NGEF: variants seen among roughly 807,000 people sequenced by gnomAD.
NGEF encodes the protein ephexin-1.
Under a neutral mutation model 80.9 loss-of-function variants are expected in NGEF, and 31 were observed. The ratio of observed to expected loss-of-function variants is 0.38; its 90% CI spans 0.29 to 0.52. NGEF has a LOEUF of 0.52. NGEF is among the 20% of genes least tolerant of loss of function. NGEF has a pLI of 0.84. For synonymous variants in NGEF, 371 were observed against 370.2 expected, an observed-to-expected ratio of 1.00 and a Z score of -0.03; for missense variants, 709 against 926.2, an observed-to-expected ratio of 0.77 and a Z score of 3.04.
intron 3 of NGEF, among the ~76,000 whole-genome samples, chr2:232,953,498 C>CTT (rs61259136): frequency 1.5e-5 from 2 of 129,138 alleles, no homozygotes; most frequent in South Asian, 2.4e-4. Context: ...GACTTACATT[C>CTT]TTTTTTTTTT....
chr2:232,981,578 C>T (rs1044862064), intron 1 of NGEF, among the ~76,000 whole-genome samples: 8 of 152,106 alleles, frequency 5.3e-5, no homozygotes, highest in Admixed American at 4.6e-4. Context: ...TAATCTGGCT[C>T]AACCAGTTCT....
At chr2:232,978,143 T>G (rs371886472) in intron 1 of NGEF, among the ~76,000 whole-genome samples, 6 of 144,156 alleles carry the variant, frequency 4.2e-5, no homozygotes, top group African/African-American at 1.6e-4. Flanking sequence ...CTCTGTGTTG[T>G]GATCCTAACA....
chr2:232,980,059 G>C (rs1694379047), intron 1 of NGEF, among the ~76,000 whole-genome samples: 1 of 152,150 alleles, frequency 6.6e-6, no homozygotes, highest in South Asian at 2.1e-4. Flanking sequence ...CATTTGTTGG[G>C]GGGACCTGTG....
intron 3 of NGEF, among the ~76,000 whole-genome samples, chr2:232,945,034 G>T (rs1257089923): frequency 1.3e-5 from 2 of 151,988 alleles, no homozygotes; most frequent in Non-Finnish European, 2.9e-5. Flanking sequence ...TTACAGGCAT[G>T]AGCCACCACG....
chr2:232,948,858 A>G (rs1336280023), intron 3 of NGEF, among the ~76,000 whole-genome samples: 4 of 152,048 alleles, frequency 2.6e-5, no homozygotes, highest in Non-Finnish European at 5.9e-5. Flanking sequence ...TCTCTACTAA[A>G]AATACAAAAA....
Position 232,970,301 on chromosome 2 carries a change from T to C in NGEF, c.296A>G (p.Asn99Ser). Residue 99 changes from asparagine (N) to serine (S), a missense_variant, in exon 3 of 15, where the codon AAT (asparagine) becomes AGT (serine). Physicochemically the swap from Asn to Ser is conservative, Grantham distance 46. Coordinates refer to ENST00000264051, the MANE Select transcript of NGEF (RefSeq NM_019850.3). ...ADSQDNGKSV[N>S]EPLTLNIPWS... is the part of the protein sequence containing the mutation. ...GGGGATATTCAAGGTCAGGGGCTCA[T>C]TTACAGATTTTCCATTGTCCTGTGA... 6.2e-7 allele frequency: 1 copy of C among 1,602,610 alleles called. No homozygotes were observed. The highest frequency in any genetic ancestry group is 8.5e-7 in the Non-Finnish European group (1 of 1,175,876).
At chr2:232,951,197 T>C (rs533301876) in intron 3 of NGEF, among the ~76,000 whole-genome samples, 99 of 152,286 alleles carry the variant, frequency 6.5e-4, no homozygotes, top group African/African-American at 2.3e-3. Context: ...CCATTCTGCC[T>C]TTAGCCTCTC....
chr2:232,921,015 G>A (rs1001984476), intron 4 of NGEF, among the ~76,000 whole-genome samples: 2 of 152,058 alleles, frequency 1.3e-5, no homozygotes, highest in African/African-American at 4.8e-5. Flanking sequence ...TTGTGCAGTG[G>A]GAGTAGCTAT....
chr2:232,889,382 G>A lies in NGEF; in HGVS notation c.1273-1275C>T, dbSNP rs542610581. Among the ~76,000 whole-genome samples, 15 of 152,246 alleles carry A rather than the reference G, an allele frequency of 9.9e-5. No individual in the cohort carries two copies. In the South Asian group the frequency reaches 1.7e-3, roughly 17 times the overall value. On this transcript the variant is annotated intron_variant, in intron 8 of 14. Transcript: ENST00000264051. ...ATGCTGCCTGATGTGGAGACTTGCCGTTCTCTCTGGAATGGTCCCTGACCC... is the reference window on the plus strand; with the variant it reads ...ATGCTGCCTGATGTGGAGACTTGCCATTCTCTCTGGAATGGTCCCTGACCC...
In NGEF at chr2:232,879,428, C is replaced by CG; in HGVS notation, c.*60_*61insC. The CG allele has an allele frequency of 3.5e-6, 5 of 1,442,434 alleles. 1 individual carries two copies. The South Asian group carries it at 4.0e-5, about 12-fold the overall frequency. 89.4% of individuals were successfully genotyped at this position (1,442,434 alleles called of 1,614,324 possible). ...GGCCTGTGCTTCCCAGAGCCCCCCC[C>CG]CCCCCACCTTCTGTCGGGGTCTCAT... On this transcript the variant is annotated 3_prime_UTR_variant, in exon 15 of 15. Transcript: ENST00000264051.
intron 3 of NGEF, among the ~76,000 whole-genome samples, chr2:232,946,158 G>A (rs13410027): frequency 0.095 from 14,441 of 151,974 alleles, 893 homozygotes; most frequent in African/African-American, 0.18. Flanking sequence ...ATTGGAGACA[G>A]TATTCTAAGT....
intron 12 of NGEF, among the ~76,000 whole-genome samples, chr2:232,883,100 T>C (rs375105542): frequency 9.9e-5 from 15 of 151,128 alleles, no homozygotes; most frequent in East Asian, 9.7e-4. Flanking sequence ...CGCACACACG[T>C]ACACGCGTAC....
At chr2:232,927,873 G>A in intron 3 of NGEF, 1 of 1,267,632 alleles carries the variant, frequency 7.9e-7, no homozygotes, top group Non-Finnish European at 9.9e-7. Context: ...GCCGGGGCCG[G>A]GACAGGCGCC....
intron 5 of NGEF, among the ~76,000 whole-genome samples, chr2:232,917,858 C>T (rs1692843419): frequency 6.6e-6 from 1 of 152,174 alleles, no homozygotes; most frequent in African/African-American, 2.4e-5. Context: ...ACTGCAACCT[C>T]CACCTCCTGG....
chr2:232,887,755 G>A (rs757582936), intron 9 of NGEF, among the ~76,000 whole-genome samples: 41 of 152,284 alleles, frequency 2.7e-4, no homozygotes, highest in Non-Finnish European at 2.9e-4. Context: ...TGAGAGCCAC[G>A]CTGCTGTCCC....
intron 3 of NGEF, among the ~76,000 whole-genome samples, chr2:232,955,114 C>A (rs896343135): frequency 2.6e-5 from 4 of 152,184 alleles, no homozygotes; most frequent in South Asian, 2.1e-4. Context: ...CCCTCCAGAG[C>A]TTGCAGTCTT....
At chr2:232,969,891 T>A (rs985009573) in intron 3 of NGEF, among the ~76,000 whole-genome samples, 1 of 152,064 alleles carries the variant, frequency 6.6e-6, no homozygotes, top group African/African-American at 2.4e-5. Flanking sequence ...CAATAGTTTT[T>A]TTGTTACTTG....
At position 232,968,149 on chromosome 2, in the gene NGEF, T is replaced by C. The variant is rs376349512; in HGVS notation, c.383+2065A>G. ...TGTTGCCCAGGCTGGAGTGCAATGG[T>C]GTGATCTCTGCTTACCGCAATCTCT... is the stretch of plus-strand genomic sequence containing the variant. On this transcript the variant is annotated intron_variant, in intron 3 of 14. Coordinates refer to ENST00000264051, the MANE Select transcript of NGEF (RefSeq NM_019850.3). Among the ~76,000 whole-genome samples the C allele has an allele frequency of 2.2e-4, 33 of 146,932 alleles. No individual in the cohort carries two copies. The East Asian group carries it at 5.4e-3, about 24-fold the overall frequency.
chr2:232,975,033 T>C (rs1235558101), intron 1 of NGEF, 69 bp from the exon 2 acceptor site: 1 of 748,114 alleles, frequency 1.3e-6, no homozygotes, highest in Non-Finnish European at 2.1e-6. Flanking sequence ...ACTGTGGAAC[T>C]CCACTCCCAT....
Sources: gnomAD v4.1 joint callset for allele counts (sites outside exome capture counted in the v4.1 genomes callset) on GRCh38, gnomAD v4.1.1 for gene constraint, MANE v1.5 for transcripts, NCBI Gene and HGNC (gene_info 2026-07-23, HGNC 2026-07-21) for gene names.